The following ASAP1 variants were observed in gnomAD, a reference collection of about 807,000 sequenced individuals.
ASAP1 encodes ArfGAP with SH3 domain, ankyrin repeat and PH domain 1, also known as arf-GAP with SH3 domain, ANK repeat and PH domain-containing protein 1.
A neutral mutation model predicts 145.2 loss-of-function variants in ASAP1; 43 were observed. The observed-to-expected ratio is 0.30, with a 90% confidence interval of 0.23 to 0.38. The LOEUF (loss-of-function observed/expected upper bound fraction) is 0.38. Ranked by LOEUF, ASAP1 falls within the 10% of genes least tolerant of loss-of-function variation. The probability of loss-of-function intolerance (pLI) is 1.00; values close to 1 mark genes in which losing one functional copy is unlikely to be tolerated. For missense variants in ASAP1, 1,018 were observed against 1,355.3 expected, an observed-to-expected ratio of 0.75 and a Z score of 3.91; for synonymous variants, 546 against 515.5, an observed-to-expected ratio of 1.06 and a Z score of -0.80.
intron 3 of ASAP1, among the ~76,000 whole-genome samples, chr8:130,356,089 T>A (rs76652473): frequency 1.2e-4 from 16 of 134,374 alleles, no homozygotes; most frequent in Admixed American, 4.3e-4. Context: ...TAAAAAAAAA[T>A]ATTTGCTTTT....
At chr8:130,196,005 C>G (rs777174725) in intron 5 of ASAP1, among the ~76,000 whole-genome samples, 25 of 152,312 alleles carry the variant, frequency 1.6e-4, no homozygotes, top group Non-Finnish European at 3.5e-4. Context: ...GGCCCTGTAT[C>G]TATTTTGTTT....
intron 23 of ASAP1, among the ~76,000 whole-genome samples, chr8:130,114,893 G>T (rs759888088): frequency 1.3e-5 from 2 of 151,340 alleles, no homozygotes; most frequent in Non-Finnish European, 2.9e-5. Context: ...TCCTGCCTCA[G>T]CTTGTCAAAT....
intron 3 of ASAP1, among the ~76,000 whole-genome samples, chr8:130,263,436 AC>A (rs932297095): frequency 3.3e-5 from 5 of 152,212 alleles, no homozygotes; most frequent in African/African-American, 1.2e-4. Flanking sequence ...AAAAGATGCA[AC>A]AAGCAAAGGC....
intron 1 of ASAP1, among the ~76,000 whole-genome samples, chr8:130,434,586 G>A (rs1167845916): frequency 3.3e-5 from 5 of 152,230 alleles, no homozygotes; most frequent in African/African-American, 1.2e-4. Flanking sequence ...ACAGCATCAT[G>A]ACAAATGCTC....
In ASAP1 at chr8:130,358,274, G is replaced by T. The variant is rs1450938957; in HGVS notation, c.60-131C>A. On this transcript the variant is annotated intron_variant, in intron 2 of 29. Transcript: ENST00000518721. This position sits in a 1 kb window ranked among gnomAD's most constrained non-coding sequence, Gnocchi z 4.1. ...CCACCCGCCGCCCGGCCTGGCGCGCGGCTCCCGTCCCCGGCAGCGGCGAGA... is the reference window on the plus strand; with the variant it reads ...CCACCCGCCGCCCGGCCTGGCGCGCTGCTCCCGTCCCCGGCAGCGGCGAGA... 2 of 613,690 alleles carry T rather than the reference G, an allele frequency of 3.3e-6. No homozygotes were observed. The allele number at this position is 613,690 out of a possible 1,614,324, so 38.0% of individuals were successfully genotyped here.
intron 1 of ASAP1, among the ~76,000 whole-genome samples, chr8:130,424,534 A>G (rs970458008): frequency 6.6e-5 from 10 of 152,186 alleles, no homozygotes; most frequent in Admixed American, 1.3e-4. Flanking sequence ...TTTTTAAACA[A>G]TTTAATCTTC....
chr8:130,124,149 C>A (rs2097571171), intron 17 of ASAP1, 45 bp from the exon 18 acceptor site: 1 of 1,340,166 alleles, frequency 7.5e-7, no homozygotes, highest in Non-Finnish European at 1.0e-6. Context: ...AAACTCTTTG[C>A]TACTAGTTAA....
intron 3 of ASAP1, among the ~76,000 whole-genome samples, chr8:130,334,196 C>T (rs1824885570): frequency 1.3e-5 from 2 of 152,094 alleles, no homozygotes; most frequent in Non-Finnish European, 2.9e-5. Flanking sequence ...GGACATTATC[C>T]TATAAACCAC....
At chr8:130,128,302 CAT>C (rs1457029009) in intron 15 of ASAP1, among the ~76,000 whole-genome samples, 5 of 151,406 alleles carry the variant, frequency 3.3e-5, no homozygotes, top group Middle Eastern at 3.2e-3. Flanking sequence ...AAAAATGACA[CAT>C]AGGGGAAAAT....
At chr8:130,083,407 T>A (rs2097485793) in intron 25 of ASAP1, 1 of 152,230 alleles carries the variant, frequency 6.6e-6, no homozygotes, top group Non-Finnish European at 1.5e-5. Context: ...CATAGCTGAC[T>A]TGACCAGCCC....
Position 130,301,897 on chromosome 8 carries a change from A to G in ASAP1, c.186+56120T>C, listed in dbSNP as rs969953822. On this transcript the variant is annotated intron_variant, in intron 3 of 29. Coordinates refer to ENST00000518721, the MANE Select transcript of ASAP1 (RefSeq NM_018482.4). ...ATTCTAAGTAAAGCTTGCATACAGGATAATCTTCAAAGAAGTAGAATGACT... is the reference window on the plus strand; with the variant it reads ...ATTCTAAGTAAAGCTTGCATACAGGGTAATCTTCAAAGAAGTAGAATGACT... Among the ~76,000 whole-genome samples the G allele has an allele frequency of 4.6e-5, 7 of 152,244 alleles. No homozygotes were observed. In the East Asian group the frequency reaches 5.8e-4, roughly 13 times the overall value.
intron 1 of ASAP1, among the ~76,000 whole-genome samples, chr8:130,413,795 C>T (rs1236628078): frequency 6.6e-6 from 1 of 152,204 alleles, no homozygotes; most frequent in Non-Finnish European, 1.5e-5. Flanking sequence ...ATCAGTTCCT[C>T]ACTTGTCAGT....
chr8:130,180,716 A>C (rs1467447668), intron 8 of ASAP1, 35 bp downstream of exon 8: 4 of 1,593,104 alleles, frequency 2.5e-6, no homozygotes, highest in Non-Finnish European at 3.4e-6. Flanking sequence ...CAGTTGTTAT[A>C]ATTCTAGGCA....
chr8:130,416,701 G>A (rs1487645929), intron 1 of ASAP1, among the ~76,000 whole-genome samples: 1 of 152,208 alleles, frequency 6.6e-6, no homozygotes, highest in Non-Finnish European at 1.5e-5. Context: ...GCCCCAAAAG[G>A]GGCAGGAGAT....
At chr8:130,179,123 T>C (rs1814172461) in intron 9 of ASAP1, 141 bp downstream of exon 9, 1 of 529,162 alleles carries the variant, frequency 1.9e-6, no homozygotes, top group Non-Finnish European at 3.4e-6. Flanking sequence ...CACTATTTCT[T>C]ATCCATTTAG....
At chr8:130,421,632 C>T (rs1829721895) in intron 1 of ASAP1, among the ~76,000 whole-genome samples, 1 of 152,184 alleles carries the variant, frequency 6.6e-6, no homozygotes, top group Non-Finnish European at 1.5e-5. Context: ...GCAGCAGGGC[C>T]ACAGAATGTA....
At chr8:130,340,098 T>C (rs968553344) in intron 3 of ASAP1, among the ~76,000 whole-genome samples, 1 of 152,156 alleles carries the variant, frequency 6.6e-6, no homozygotes, top group African/African-American at 2.4e-5. Context: ...AAAACAATAA[T>C]GCAATAGGCT....
chr8:130,242,621 CTCA>C (rs1334878600), intron 3 of ASAP1, among the ~76,000 whole-genome samples: 6 of 152,102 alleles, frequency 3.9e-5, no homozygotes, highest in African/African-American at 1.4e-4. Context: ...GACATAAGTT[CTCA>C]TGCAGCCTCA....
intron 24 of ASAP1, among the ~76,000 whole-genome samples, chr8:130,104,778 G>A (rs1395705137): frequency 6.6e-6 from 1 of 152,118 alleles, no homozygotes; most frequent in African/African-American, 2.4e-5. Context: ...CAATATCCTT[G>A]TATATCTGGT....
Sources: allele counts gnomAD v4.1 joint callset (sites outside exome capture counted in the v4.1 genomes callset), GRCh38; gene constraint gnomAD v4.1.1; non-coding constraint Gnocchi (gnomAD v3.1); transcripts MANE v1.5; gene names NCBI Gene and HGNC (gene_info 2026-07-23, HGNC 2026-07-21).